Variants in BACH1 observed in about 807,000 individuals in gnomAD.
The protein encoded by BACH1 is transcription regulator protein BACH1.
In BACH1, 35 loss-of-function variants were observed where a neutral mutation model predicts 52.9. The observed-to-expected ratio is 0.66, with a 90% CI of 0.51 to 0.88. BACH1 has a LOEUF of 0.88. Ranked by LOEUF, BACH1 falls within the 40% of genes least tolerant of loss-of-function variation. The probability of loss-of-function intolerance (pLI) is 0.00; values close to 1 mark genes in which losing one functional copy is unlikely to be tolerated. For missense variants in BACH1, 808 were observed against 872.6 expected (o/e 0.93, Z 0.93); for synonymous variants, 321 against 319.6 (o/e 1.00, Z -0.05).
chr21:29,351,286 A>G (rs2089200653), intron 2 of BACH1, among the ~76,000 whole-genome samples: 1 of 152,204 alleles, frequency 6.6e-6, no homozygotes. Context: ...AGATCCTGTT[A>G]ACAATACCCA....
chr21:29,331,858 T>A (rs944243418), intron 4 of BACH1, among the ~76,000 whole-genome samples: 1 of 152,230 alleles, frequency 6.6e-6, no homozygotes, highest in Non-Finnish European at 1.5e-5. Context: ...ATGTATTTTT[T>A]ATTATTTTCC....
In BACH1 at chr21:29,304,272, A is replaced by AC. The variant is rs755236044; in HGVS notation, c.-61+5325dup. ...TCCGTAGTAGCTGGAATTATGGGGC[A>AC]CCCCCCACCATGCCCAGCTAATTTT... is the stretch of plus-strand genomic sequence containing the variant. On this transcript the variant is annotated intron_variant, in intron 1 of 4. Transcript: ENST00000286800. Among the ~76,000 whole-genome samples, 4 of 151,550 alleles carry AC rather than the reference A, an allele frequency of 2.6e-5. No individual in the cohort carries two copies. The East Asian group carries it at 5.8e-4, about 22-fold the overall frequency.
downstream of BACH1, among the ~76,000 whole-genome samples, chr21:29,351,012 C>T (rs2089199046): frequency 6.6e-6 from 1 of 152,174 alleles, no homozygotes; most frequent in African/African-American, 2.4e-5. Flanking sequence ...TTTCCTCTTC[C>T]TCATCTTATT....
intron 1 of BACH1, among the ~76,000 whole-genome samples, chr21:29,312,913 C>T (rs936285502): frequency 9.2e-5 from 14 of 152,128 alleles, no homozygotes; most frequent in African/African-American, 3.1e-4. Context: ...AATTAAAAAG[C>T]CCAGAAGAAT....
chr21:29,337,192 T>A (rs2089055286), intron 4 of BACH1, among the ~76,000 whole-genome samples: 1 of 152,240 alleles, frequency 6.6e-6, no homozygotes, highest in Admixed American at 6.5e-5. Context: ...TAACCTCTAT[T>A]GTTTCAAGAT....
chr21:29,311,668 A>C (rs1171205456), intron 1 of BACH1, among the ~76,000 whole-genome samples: 1 of 152,060 alleles, frequency 6.6e-6, no homozygotes, highest in Non-Finnish European at 1.5e-5. Context: ...TTGTAATCTT[A>C]TTATTCCACT....
chr21:29,354,434 G>C (rs2089221500), intron 2 of BACH1, among the ~76,000 whole-genome samples: 2 of 152,166 alleles, frequency 1.3e-5, no homozygotes, highest in Non-Finnish European at 2.9e-5. Flanking sequence ...AGAGTGGAAT[G>C]GGAGATACCA....
In BACH1 at chr21:29,343,751, A is replaced by C. The variant is rs905188775; in HGVS notation, c.*918A>C. 40 of 152,184 alleles carry C rather than the reference A, an allele frequency of 2.6e-4. No homozygotes were observed. The highest frequency in any genetic ancestry group is 9.4e-4 in the African/African-American group (39 of 41,442). 9.4% of individuals were successfully genotyped at this position (152,184 alleles called of 1,614,324 possible). A position where few individuals can be genotyped will look rare whatever the true frequency, so the allele number is the denominator to read the frequency against. ...CACCGTGGGTCACCAATGCCAGAAA[A>C]CCAGACATCACGGGGAAAGAATGTT... On this transcript the variant is annotated 3_prime_UTR_variant, in exon 5 of 5. Coordinates refer to ENST00000286800, the MANE Select transcript of BACH1 (RefSeq NM_001186.4).
Position 29,345,689 on chromosome 21 carries a change from A to C in BACH1, c.*2856A>C, listed in dbSNP as rs902681602. Reference sequence around the variant, plus strand: ...AGATGCAGTAGACGATACAGGTTGCATGTGGACACTCAGTCACATTAACAA... The same window carrying C: ...AGATGCAGTAGACGATACAGGTTGCCTGTGGACACTCAGTCACATTAACAA... On this transcript the variant is annotated 3_prime_UTR_variant, in exon 5 of 5. Coordinates refer to ENST00000286800, the MANE Select transcript of BACH1 (RefSeq NM_001186.4). The C allele has an allele frequency of 6.6e-6, 1 of 152,642 alleles. No homozygotes were observed. Among genetic ancestry groups the C allele is most frequent in the Non-Finnish European group, 1.5e-5 (1 of 68,024 alleles). 9.5% of individuals were successfully genotyped at this position (152,642 alleles called of 1,614,324 possible).
rs1363154271 is a variant in BACH1, at chr21:29,329,050, G to A, written c.1570-437G>A. On this transcript the variant is annotated intron_variant, in intron 3 of 4. Transcript: ENST00000286800. Reference sequence around the variant, plus strand: ...AGACTGGGCACAGTGGCTCATGCCTGTAATCCCAACACCTTGGGAGGCTGA... The same window carrying A: ...AGACTGGGCACAGTGGCTCATGCCTATAATCCCAACACCTTGGGAGGCTGA... 6.6e-5 allele frequency among the ~76,000 whole-genome samples: 10 copies of A among 152,320 alleles called. No individual in the cohort carries two copies. In the East Asian group the frequency reaches 1.9e-3, roughly 29 times the overall value.
At chr21:29,337,657 C>G (rs2089059992) in intron 4 of BACH1, among the ~76,000 whole-genome samples, 3 of 152,078 alleles carry the variant, frequency 2.0e-5, no homozygotes, top group Admixed American at 6.5e-5. Flanking sequence ...AATGAGAACA[C>G]TTGGACACAG....
chr21:29,327,808 A>C (rs2088932370), intron 3 of BACH1, among the ~76,000 whole-genome samples: 1 of 152,220 alleles, frequency 6.6e-6, no homozygotes, highest in Non-Finnish European at 1.5e-5. Context: ...GAGACAGAGC[A>C]AGACTGTCTC....
At chr21:29,328,601 C>T (rs1321450063) in intron 3 of BACH1, among the ~76,000 whole-genome samples, 3 of 151,986 alleles carry the variant, frequency 2.0e-5, no homozygotes, top group East Asian at 1.9e-4. Flanking sequence ...TTTAAGTGTA[C>T]GATACAGTAT....
chr21:29,341,177 A>G (rs2089108699), intron 4 of BACH1, among the ~76,000 whole-genome samples: 4 of 152,234 alleles, frequency 2.6e-5, no homozygotes, highest in Admixed American at 2.6e-4. Context: ...ACTTTTGTAT[A>G]AAGCAAAATT....
chr21:29,311,167 G>A (rs541084245), intron 1 of BACH1, among the ~76,000 whole-genome samples: 2 of 152,144 alleles, frequency 1.3e-5, no homozygotes, highest in South Asian at 4.1e-4. Flanking sequence ...TAAATAGTAT[G>A]TGTAACATCG....
chr21:29,321,066 A>G (rs536489990), intron 1 of BACH1, among the ~76,000 whole-genome samples, 155 bp from the exon 2 acceptor site: 4 of 152,366 alleles, frequency 2.6e-5, no homozygotes, highest in African/African-American at 7.2e-5. Flanking sequence ...AACCTATTTT[A>G]AATGAAGTAT....
At chr21:29,358,480 G>A (rs889842439) in intron 2 of BACH1, among the ~76,000 whole-genome samples, 1 of 152,154 alleles carries the variant, frequency 6.6e-6, no homozygotes. Context: ...CGTGGCTCAC[G>A]CCTGTAATCC....
intron 1 of BACH1, chr21:29,300,870 G>C (rs1255024935): frequency 6.6e-6 from 1 of 152,182 alleles, no homozygotes; most frequent in Non-Finnish European, 1.5e-5. Context: ...GGTCTCATTG[G>C]GTTAAGTCTC....
intron 1 of BACH1, among the ~76,000 whole-genome samples, chr21:29,316,097 T>C (rs903711914): frequency 2.0e-5 from 3 of 152,236 alleles, no homozygotes; most frequent in Admixed American, 2.0e-4. Context: ...TTTTCACACA[T>C]GGAACTTTAT....
Sources: allele counts gnomAD v4.1 joint callset (sites outside exome capture counted in the v4.1 genomes callset), GRCh38; gene constraint gnomAD v4.1.1; transcripts MANE v1.5; gene names NCBI Gene and HGNC (gene_info 2026-07-23, HGNC 2026-07-21).